Variants in ODAD3 observed in about 807,000 individuals in gnomAD.
The protein encoded by ODAD3 is outer dynein arm docking complex subunit 3.
Under a neutral mutation model 70.9 loss-of-function variants are expected in ODAD3, and 57 were observed. The observed-to-expected ratio is 0.80, with a 90% CI of 0.65 to 1.00. The LOEUF (loss-of-function observed/expected upper bound fraction) is 1.00, where lower values mean the gene tolerates loss of function less well. Among genes scored for constraint, ODAD3 ranks in the 50% least tolerant of loss-of-function variants. The pLI is 0.00. For synonymous variants in ODAD3, 327 were observed against 315.9 expected, an observed-to-expected ratio of 1.04 and a Z score of -0.37; for missense variants, 797 against 763.9, an observed-to-expected ratio of 1.04 and a Z score of -0.51.
chr19:11,426,435 AG>A lies in ODAD3; in HGVS notation c.840+10del. 3.1e-6 allele frequency: 5 copies of A among 1,613,924 alleles called. No homozygotes were observed. The South Asian group carries it at 4.4e-5, about 14-fold the overall frequency. On this transcript the variant is annotated intron_variant, in intron 6 of 12. Coordinates refer to ENST00000356392, the MANE Select transcript of ODAD3 (RefSeq NM_145045.5). ...GCTGGGCAGGATGGCCGAGGGCAAG[AG>A]GGGTGGCACCTTGGCAATGTCCCGG...
chr19:11,427,847 T>C (rs1351579095), intron 3 of ODAD3, among the ~76,000 whole-genome samples: 1 of 147,894 alleles, frequency 6.8e-6, no homozygotes, highest in African/African-American at 2.5e-5. Context: ...CCGCCTGTAA[T>C]CCCAGCACTT....
Position 11,426,922 on chromosome 19 carries a change from C to A in ODAD3, c.563G>T (p.Arg188Leu). The A allele has an allele frequency of 6.2e-7, 1 of 1,610,430 alleles. No individual in the cohort carries two copies. Among genetic ancestry groups the A allele is most frequent in the Non-Finnish European group, 8.5e-7 (1 of 1,179,092 alleles). The change falls in exon 4 of 13, where the codon CGC becomes CTC. Residue 188 changes from arginine (R) to leucine (L), a missense_variant. Coordinates refer to ENST00000356392, the MANE Select transcript of ODAD3 (RefSeq NM_145045.5). ...LEELQLQHSLRLLEMAEAQNR... is the reference protein window; with the variant it reads ...LEELQLQHSLLLLEMAEAQNR... ...TTGCGCCTCCGCCATCTCCAGAAGG[C>A]GCAGGCTGTGCTGCAGCTGGAGCTC...
rs779770735 is a variant in ODAD3 at position 11,426,699 on chromosome 19, A to G, written c.698T>C (p.Leu233Pro). 3 of 1,613,790 alleles carry G rather than the reference A, an allele frequency of 1.9e-6. No homozygotes were observed. The highest frequency in any genetic ancestry group is 2.5e-6 in the Non-Finnish European group (3 of 1,179,872). Reference sequence around the variant, plus strand: ...AGTCCCTACCATTAGATAGGCCTTGAGCTGCAGGTACACGCTGGTAATGTG... The same window carrying G: ...AGTCCCTACCATTAGATAGGCCTTGGGCTGCAGGTACACGCTGGTAATGTG... ...AEHITSVYLQLKAYLMDESLN... is the reference protein window; with the variant it reads ...AEHITSVYLQPKAYLMDESLN... Residue 233 changes from leucine (L) to proline (P), a missense_variant, in exon 5 of 13, where the codon CTC becomes CCC. Leu to Pro is a moderately conservative substitution (Grantham distance 98). Transcript: ENST00000356392.
intron 11 of ODAD3, 83 bp downstream of exon 11, chr19:11,421,592 TCC>T: frequency 6.7e-7 from 1 of 1,499,360 alleles, no homozygotes; most frequent in Non-Finnish European, 9.0e-7. Context: ...CAATCTGGTC[TCC>T]CGAAGTTGCC....
chr19:11,427,030 T>C lies in ODAD3; in HGVS notation c.455A>G (p.His152Arg), dbSNP rs1170152114. The C allele has an allele frequency of 1.3e-6, 2 of 1,588,468 alleles. No homozygotes were observed. The highest frequency in any genetic ancestry group is 2.3e-5 in the East Asian group (1 of 44,372). The change falls in exon 4 of 13, where the codon CAC (histidine) becomes CGC (arginine). Residue 152 changes from histidine (H) to arginine (R), a missense_variant. Transcript: ENST00000356392. ...LKNRTGQALEHLDHRLREKVK... is the reference protein window; with the variant it reads ...LKNRTGQALERLDHRLREKVK... ...CTTCTCCCTCAGCCGGTGGTCTAGG[T>C]GCTCCAGGGCCTGCCGCAAGGAGGG...
rs769071519 is a variant in ODAD3 at position 11,426,180 on chromosome 19, C to T, written c.927G>A (p.Glu309=). The change falls in exon 7 of 13, where the codon GAG becomes GAA. Residue 309 remains glutamate (E), a synonymous_variant. Transcript: ENST00000356392. ...RYISECKKRA[E]EKKLENERME... Reference sequence around the variant, plus strand: ...TGCGCTCGTTCTCCAGTTTCTTCTCCTCGGCGCGCTTCTTGCACTCACTTA... The same window carrying T: ...TGCGCTCGTTCTCCAGTTTCTTCTCTTCGGCGCGCTTCTTGCACTCACTTA... The T allele has an allele frequency of 3.8e-5, 62 of 1,612,876 alleles. No individual in the cohort carries two copies. Among genetic ancestry groups the T allele is most frequent in the Non-Finnish European group, 5.3e-5 (62 of 1,179,742 alleles).
At chr19:11,434,684 T>C in intron 1 of ODAD3, 89 bp downstream of exon 1, 1 of 1,497,386 alleles carries the variant, frequency 6.7e-7, no homozygotes, top group African/African-American at 1.4e-5. Context: ...TTACCTAGAC[T>C]CATGCTGGAG....
chr19:11,426,659 C>T (rs1969382580), intron 5 of ODAD3, 24 bp downstream of exon 5: 3 of 1,613,694 alleles, frequency 1.9e-6, no homozygotes, highest in Non-Finnish European at 2.5e-6. Flanking sequence ...TTTGTCATCT[C>T]ACCCGAGCCC....
chr19:11,425,193 A>C (rs1969284822), intron 7 of ODAD3, among the ~76,000 whole-genome samples: 1 of 130,148 alleles, frequency 7.7e-6, no homozygotes, highest in South Asian at 2.3e-4. Flanking sequence ...GTATATATAC[A>C]TATGTGTATG....
At chr19:11,434,602 A>G in intron 1 of ODAD3, 171 bp downstream of exon 1, 1 of 753,758 alleles carries the variant, frequency 1.3e-6, no homozygotes, top group Non-Finnish European at 2.2e-6. Flanking sequence ...GTCGGTTCTG[A>G]ACCCATGAGA....
intron 3 of ODAD3, among the ~76,000 whole-genome samples, chr19:11,427,602 C>T (rs1969412341): frequency 6.6e-6 from 1 of 151,720 alleles, no homozygotes; most frequent in Admixed American, 6.6e-5. Flanking sequence ...CTGCCTCAGC[C>T]TCCCAAGTAG....
chr19:11,430,979 T>C lies in ODAD3; in HGVS notation c.286A>G (p.Ile96Val), dbSNP rs763375994. Reference sequence around the variant, plus strand: ...CTGATGGTCTCCTGGTTCTTCTTGATGTTCCACTGAGAGCTCTCAAAAAAA... The same window carrying C: ...CTGATGGTCTCCTGGTTCTTCTTGACGTTCCACTGAGAGCTCTCAAAAAAA... ...KAFFESSQWNIKKNQETISQL... is the reference protein window; with the variant it reads ...KAFFESSQWNVKKNQETISQL... The change falls in exon 2 of 13, where the codon ATC (isoleucine) becomes GTC (valine). Residue 96 changes from isoleucine to valine, a missense_variant. Coordinates refer to ENST00000356392, the MANE Select transcript of ODAD3 (RefSeq NM_145045.5). 5 of 1,614,128 alleles carry C rather than the reference T, an allele frequency of 3.1e-6. 1 individual carries two copies. The South Asian group carries it at 3.3e-5, about 11-fold the overall frequency.
rs1969638756 is a variant in ODAD3, at chr19:11,435,082, G to A, written c.-66C>T. On this transcript the variant is annotated 5_prime_UTR_variant, in exon 1 of 13. Transcript: ENST00000356392. Reference sequence around the variant, plus strand: ...AACTAGGAGTCAGTCGCCCCTGTCAGGGATCCGTCAGCTCGGATTCCTAGG... The same window carrying A: ...AACTAGGAGTCAGTCGCCCCTGTCAAGGATCCGTCAGCTCGGATTCCTAGG... The A allele has an allele frequency of 6.5e-7, 1 of 1,529,992 alleles. No individual in the cohort carries two copies. The highest frequency in any genetic ancestry group is 1.2e-5 in the South Asian group (1 of 84,222). 94.8% of individuals were successfully genotyped at this position (1,529,992 alleles called of 1,614,324 possible).
chr19:11,427,826 C>T (rs1292259318), intron 3 of ODAD3, among the ~76,000 whole-genome samples: 3 of 149,492 alleles, frequency 2.0e-5, no homozygotes, highest in Admixed American at 2.0e-4. Flanking sequence ...TTAGGCTGGG[C>T]GCGGTGGCTC....
At chr19:11,429,855 T>TA (rs1415292230) in intron 3 of ODAD3, among the ~76,000 whole-genome samples, 39 of 148,464 alleles carry the variant, frequency 2.6e-4, no homozygotes, top group African/African-American at 7.6e-4. Flanking sequence ...TTTTTTTTTT[T>TA]AAAGAAACAG....
At chr19:11,425,603 GTGTGTGTATA>G (rs1969344301) in intron 7 of ODAD3, among the ~76,000 whole-genome samples, 4 of 113,730 alleles carry the variant, frequency 3.5e-5, no homozygotes, top group African/African-American at 2.4e-4. Context: ...GTGTATATAT[GTGTGTGTATA>G]TATGCATATA....
At position 11,425,131 on chromosome 19, in the gene ODAD3, A is replaced by ATATATGTG. The variant is rs1196328991; in HGVS notation, c.963+1012_963+1013insCACATATA. On this transcript the variant is annotated intron_variant, in intron 7 of 12. Transcript: ENST00000356392. Reference sequence around the variant, plus strand: ...TATATGTGTATATGTACATATGTGTATATGTGTATATGTACATATGTATAT... The same window carrying ATATATGTG: ...TATATGTGTATATGTACATATGTGTATATATGTGTATGTGTATATGTACATATGTATAT... Among the ~76,000 whole-genome samples the ATATATGTG allele has an allele frequency of 3.0e-5, 4 of 131,544 alleles. 1 individual carries two copies. Among genetic ancestry groups the ATATATGTG allele is most frequent in the African/African-American group, 1.3e-4 (4 of 30,162 alleles). The allele number at this position is 131,544 out of a possible 152,430, so 86.3% of individuals were successfully genotyped here.
At chr19:11,434,619 A>T in intron 1 of ODAD3, 154 bp downstream of exon 1, 1 of 895,498 alleles carries the variant, frequency 1.1e-6, no homozygotes, top group Non-Finnish European at 1.7e-6. Flanking sequence ...GAGAAGTTTT[A>T]AGAGACAGAG....
intron 11 of ODAD3, 148 bp downstream of exon 11, chr19:11,421,529 C>G (rs542540318): frequency 1.5e-5 from 17 of 1,107,400 alleles, no homozygotes; most frequent in Non-Finnish European, 1.7e-5. Context: ...TCACCCCTGG[C>G]TCGTCAAACC....
Sources: allele counts gnomAD v4.1 joint callset (sites outside exome capture counted in the v4.1 genomes callset), GRCh38; gene constraint gnomAD v4.1.1; transcripts MANE v1.5; gene names NCBI Gene and HGNC (gene_info 2026-07-23, HGNC 2026-07-21).